Variants in ZEB1 observed in about 807,000 individuals in gnomAD.
ZEB1 encodes zinc finger E-box binding homeobox 1.
ZEB1 carries 21 observed loss-of-function variants against 84.9 expected under a neutral mutation model. The observed-to-expected ratio is 0.25, with a 90% CI of 0.18 to 0.36. The LOEUF (loss-of-function observed/expected upper bound fraction) is 0.36. Ranked by LOEUF, ZEB1 falls within the 10% of genes least tolerant of loss-of-function variation. The pLI is 1.00. For synonymous variants in ZEB1, 420 were observed against 471.1 expected, an observed-to-expected ratio of 0.89 and a Z score of 1.41; for missense variants, 1,104 against 1,330.2, an observed-to-expected ratio of 0.83 and a Z score of 2.65.
intron 1 of ZEB1, chr10:31,363,304 A>T: frequency 6.5e-7 from 1 of 1,532,718 alleles, no homozygotes; most frequent in African/African-American, 1.4e-5. Context: ...AAAGGGAAGG[A>T]TGCCTCCAGC....
rs571074523 is a variant in ZEB1 at position 31,450,348 on chromosome 10, G to A, written c.59-10689G>A. Reference sequence around the variant, plus strand: ...TAGTAATAGAATTTTTTCCTCTTTCGTGTTTTTAGCTGGTTATTGTTGATT... The same window carrying A: ...TAGTAATAGAATTTTTTCCTCTTTCATGTTTTTAGCTGGTTATTGTTGATT... On this transcript the variant is annotated intron_variant, in intron 1 of 8. Transcript: ENST00000424869. Among the ~76,000 whole-genome samples the A allele has an allele frequency of 3.0e-4, 45 of 151,650 alleles. No individual in the cohort carries two copies. The East Asian group carries it at 6.0e-3, about 20-fold the overall frequency.
At chr10:31,331,764 C>G (rs767222530) in intron 1 of ZEB1, among the ~76,000 whole-genome samples, 2 of 152,136 alleles carry the variant, frequency 1.3e-5, no homozygotes, top group African/African-American at 4.8e-5. Context: ...GCATAACACA[C>G]ATGCACACAC....
intron 1 of ZEB1, among the ~76,000 whole-genome samples, chr10:31,422,630 A>G (rs1456014001): frequency 2.0e-5 from 3 of 152,158 alleles, no homozygotes; most frequent in African/African-American, 7.2e-5. Context: ...TCAGAAATGT[A>G]CTTTTCAAAA....
intron 1 of ZEB1, among the ~76,000 whole-genome samples, chr10:31,393,515 GT>G (rs996171893): frequency 2.7e-4 from 40 of 150,706 alleles, no homozygotes; most frequent in African/African-American, 9.2e-4. Flanking sequence ...TTTGTAAATA[GT>G]TTTTTTCAAA....
intron 1 of ZEB1, among the ~76,000 whole-genome samples, chr10:31,434,105 C>T (rs577513039): frequency 6.6e-6 from 1 of 152,256 alleles, no homozygotes; most frequent in African/African-American, 2.4e-5. Flanking sequence ...AACCATGTTA[C>T]TTTTAAAATC....
chr10:31,341,235 A>G (rs1461859106), intron 1 of ZEB1, among the ~76,000 whole-genome samples: 1 of 152,150 alleles, frequency 6.6e-6, no homozygotes, highest in Non-Finnish European at 1.5e-5. Flanking sequence ...AGTTAGCTTG[A>G]TAAGAGGTGA....
At chr10:31,477,845 A>G (rs1191682018) in intron 2 of ZEB1, among the ~76,000 whole-genome samples, 2 of 151,988 alleles carry the variant, frequency 1.3e-5, no homozygotes, top group East Asian at 3.8e-4. Context: ...GTGTCTCATC[A>G]TATTAAAAAA....
intron 1 of ZEB1, among the ~76,000 whole-genome samples, chr10:31,331,077 C>CTTTTTTTTTTTTTTTTTTTTT (rs1238584690): frequency 5.6e-5 from 5 of 89,064 alleles, no homozygotes; most frequent in African/African-American, 2.1e-4. Flanking sequence ...TTTTTTCTTT[C>CTTTTTTTTTTTTTTTTTTTTT]TTTCTTTTTT....
At chr10:31,439,596 A>G (rs1479759586) in intron 1 of ZEB1, among the ~76,000 whole-genome samples, 1 of 152,120 alleles carries the variant, frequency 6.6e-6, no homozygotes, top group Non-Finnish European at 1.5e-5. Context: ...AGTGTAGTAG[A>G]TAATCAATCA....
chr10:31,367,862 A>C (rs2044835806), intron 1 of ZEB1, among the ~76,000 whole-genome samples: 1 of 152,138 alleles, frequency 6.6e-6, no homozygotes, highest in Non-Finnish European at 1.5e-5. Flanking sequence ...AAAAGTAAGC[A>C]TGCACCCAAA....
intron 1 of ZEB1, chr10:31,321,398 C>G (rs974685735): frequency 1.9e-6 from 3 of 1,598,942 alleles, no homozygotes; most frequent in African/African-American, 2.7e-5. Flanking sequence ...TTGGTATTCT[C>G]ATTGTGGAGA....
chr10:31,510,668 T>C lies in ZEB1; in HGVS notation c.485-5T>C, dbSNP rs758994062. The C allele has an allele frequency of 1.9e-5, 31 of 1,611,450 alleles. No homozygotes were observed. Among genetic ancestry groups the C allele is most frequent in the Non-Finnish European group, 2.5e-5 (29 of 1,178,192 alleles). On this transcript the variant is annotated splice_region_variant and splice_polypyrimidine_tract_variant and intron_variant, in intron 4 of 8. Coordinates refer to ENST00000424869, the MANE Select transcript of ZEB1 (RefSeq NM_001174096.2). ...AATTTAAAATATATGATCTTTCTTT[T>C]ACAGGAACACCAGATGCATTTTCAC...
At chr10:31,393,063 C>T (rs989813363) in intron 1 of ZEB1, among the ~76,000 whole-genome samples, 1 of 152,084 alleles carries the variant, frequency 6.6e-6, no homozygotes, top group Non-Finnish European at 1.5e-5. Context: ...GTCTCAAACC[C>T]CTGAGCTCAA....
At chr10:31,434,272 G>A (rs928127687) in intron 1 of ZEB1, among the ~76,000 whole-genome samples, 2 of 152,190 alleles carry the variant, frequency 1.3e-5, no homozygotes, top group Non-Finnish European at 2.9e-5. Context: ...CTGTGTTTAT[G>A]TGCTTTTAAA....
intron 1 of ZEB1, among the ~76,000 whole-genome samples, chr10:31,392,817 T>C (rs914860473): frequency 6.6e-6 from 1 of 151,406 alleles, no homozygotes; most frequent in Non-Finnish European, 1.5e-5. Context: ...ATATAGATGA[T>C]ATTATATATC....
intron 1 of ZEB1, among the ~76,000 whole-genome samples, chr10:31,422,883 C>T (rs1041511834): frequency 6.6e-6 from 1 of 151,830 alleles, no homozygotes; most frequent in Admixed American, 6.6e-5. Context: ...TATGTGTGCC[C>T]AATGCTTAGC....
At chr10:31,370,814 A>C (rs1386070127) in intron 1 of ZEB1, among the ~76,000 whole-genome samples, 1 of 152,190 alleles carries the variant, frequency 6.6e-6, no homozygotes, top group African/African-American at 2.4e-5. Context: ...ACTTTGGGTA[A>C]ATAATGTCAT....
At chr10:31,455,150 C>A (rs1179769537) in intron 1 of ZEB1, among the ~76,000 whole-genome samples, 4 of 152,148 alleles carry the variant, frequency 2.6e-5, no homozygotes, top group Admixed American at 2.6e-4. Context: ...CTGACACAAA[C>A]AAGAAATGGG....
chr10:31,526,967 G>C lies in ZEB1; in HGVS notation c.3081G>C (p.Glu1027Asp). 1 of 1,613,696 alleles carries C rather than the reference G, an allele frequency of 6.2e-7. No homozygotes were observed. The highest frequency in any genetic ancestry group is 8.5e-7 in the Non-Finnish European group (1 of 1,179,824). The stretch of plus-strand genomic sequence containing the variant: ...CACAGGGCGACTCGGACGAGAGAGA[G>C]AGTTTGACAAGGGAAGAGGATGAAG... Reference protein sequence around the residue: ...SPSQGDSDERESLTREEDEDS... With the variant: ...SPSQGDSDERDSLTREEDEDS... The change falls in exon 9 of 9, where the codon GAG becomes GAC. Residue 1027 changes from glutamate (E) to aspartate (D), a missense_variant. Physicochemically the swap from Glu to Asp is conservative, Grantham distance 45. Around this residue, in one of 7 missense-constraint regions of ZEB1, gnomAD observed 173 missense variants for 167.0 expected, o/e 1.04. Transcript: ENST00000424869.
Sources: gnomAD v4.1 joint callset for allele counts (sites outside exome capture counted in the v4.1 genomes callset) on GRCh38, gnomAD v4.1.1 for gene constraint, gnomAD v4.1.1 regional missense constraint, MANE v1.5 for transcripts, NCBI Gene and HGNC (gene_info 2026-07-23, HGNC 2026-07-21) for gene names.